CTNND2: variants seen among roughly 807,000 people sequenced by gnomAD.
CTNND2 encodes catenin delta 2, also known as catenin delta-2.
CTNND2 carries 22 observed loss-of-function variants against 144.4 expected under a neutral mutation model. The observed-to-expected ratio is 0.15, with a 90% CI of 0.11 to 0.22. The LOEUF (loss-of-function observed/expected upper bound fraction) is 0.22, where lower values mean the gene tolerates loss of function less well. Ranked by LOEUF, CTNND2 falls within the 10% of genes least tolerant of loss-of-function variation. The pLI is 1.00. For synonymous variants in CTNND2, 751 were observed against 695.6 expected, an observed-to-expected ratio of 1.08 and a Z score of -1.25; for missense variants, 1,353 against 1,618.8, an observed-to-expected ratio of 0.84 and a Z score of 2.82.
chr5:11,832,802 A>G (rs1478776513), intron 1 of CTNND2, among the ~76,000 whole-genome samples: 8 of 152,054 alleles, frequency 5.3e-5, no homozygotes, highest in Non-Finnish European at 1.0e-4. Context: ...TTAGTGGGTC[A>G]TGGTGGTGTA....
intron 16 of CTNND2, among the ~76,000 whole-genome samples, chr5:11,024,279 A>G (rs1413245528): frequency 6.6e-6 from 1 of 152,206 alleles, no homozygotes; most frequent in Non-Finnish European, 1.5e-5. Context: ...TGATACTTAA[A>G]TTACTGAAAT....
At chr5:11,233,176 G>A (rs1741233995) in intron 10 of CTNND2, among the ~76,000 whole-genome samples, 1 of 152,148 alleles carries the variant, frequency 6.6e-6, no homozygotes. Context: ...GGGAACTGAG[G>A]AGATGGTCTT....
intron 1 of CTNND2, among the ~76,000 whole-genome samples, chr5:11,848,814 T>C (rs575984670): frequency 6.6e-6 from 1 of 152,246 alleles, no homozygotes; most frequent in African/African-American, 2.4e-5. Flanking sequence ...TTCTTTCTCT[T>C]GTCCAGGATG....
intron 5 of CTNND2, among the ~76,000 whole-genome samples, chr5:11,401,821 C>T (rs1760675989): frequency 1.3e-5 from 2 of 152,156 alleles, no homozygotes; most frequent in South Asian, 4.1e-4. Flanking sequence ...AAGCACACTT[C>T]ATGATTCTGT....
chr5:11,488,053 T>C (rs1004239276), intron 3 of CTNND2, among the ~76,000 whole-genome samples: 8 of 152,172 alleles, frequency 5.3e-5, no homozygotes, highest in African/African-American at 1.9e-4. Context: ...CACTGTTTTG[T>C]TTGTGGTGGC....
intron 18 of CTNND2, among the ~76,000 whole-genome samples, chr5:11,001,657 T>C (rs907489473): frequency 2.0e-5 from 3 of 152,372 alleles, no homozygotes; most frequent in African/African-American, 7.2e-5. Flanking sequence ...CTTTTAATTG[T>C]AGCTCAGAGT....
At chr5:11,789,285 C>T (rs1431378003) in intron 1 of CTNND2, among the ~76,000 whole-genome samples, 3 of 152,156 alleles carry the variant, frequency 2.0e-5, no homozygotes, top group African/African-American at 7.2e-5. Flanking sequence ...TTTTTTGCCA[C>T]TCCTGAAAAA....
At chr5:11,644,632 C>A (rs1184096054) in intron 2 of CTNND2, among the ~76,000 whole-genome samples, 2 of 150,984 alleles carry the variant, frequency 1.3e-5, no homozygotes, top group Non-Finnish European at 2.9e-5. Context: ...CAAGATCACG[C>A]CACTGCACTC....
chr5:11,299,920 C>T (rs1385662710), intron 9 of CTNND2, among the ~76,000 whole-genome samples: 4 of 151,544 alleles, frequency 2.6e-5, no homozygotes, highest in Non-Finnish European at 5.9e-5. Context: ...TCTGATATGC[C>T]ATGTAGAAAC....
chr5:11,842,533 C>T (rs1794524560), intron 1 of CTNND2, among the ~76,000 whole-genome samples: 1 of 151,834 alleles, frequency 6.6e-6, no homozygotes, highest in Non-Finnish European at 1.5e-5. Flanking sequence ...TCCTGGCTAA[C>T]ATGATGAAAC....
chr5:11,188,246 T>C (rs190625447), intron 11 of CTNND2, among the ~76,000 whole-genome samples: 60 of 152,250 alleles, frequency 3.9e-4, no homozygotes, highest in African/African-American at 1.4e-3. Flanking sequence ...ATGTGGTATA[T>C]ATATATACCA....
intron 3 of CTNND2, among the ~76,000 whole-genome samples, chr5:11,454,483 A>G (rs1359944160): frequency 6.6e-6 from 1 of 152,210 alleles, no homozygotes; most frequent in Non-Finnish European, 1.5e-5. Context: ...TATATGTTCA[A>G]AAACAATTTT....
At chr5:11,433,183 T>G (rs1036569789) in intron 3 of CTNND2, among the ~76,000 whole-genome samples, 5 of 151,568 alleles carry the variant, frequency 3.3e-5, no homozygotes, top group Non-Finnish European at 7.3e-5. Flanking sequence ...GAGACAGAGC[T>G]TGCAGTGAGC....
intron 10 of CTNND2, among the ~76,000 whole-genome samples, chr5:11,227,463 A>G (rs1302821893): frequency 6.6e-6 from 1 of 152,246 alleles, no homozygotes; most frequent in Non-Finnish European, 1.5e-5. Flanking sequence ...AATCAAAGAA[A>G]TACAGGCTCT....
At chr5:11,194,697 TA>T (rs1449749034) in intron 11 of CTNND2, among the ~76,000 whole-genome samples, 3 of 151,424 alleles carry the variant, frequency 2.0e-5, no homozygotes, top group Non-Finnish European at 2.9e-5. Context: ...AAGCCCACCA[TA>T]AAAAAAGAAA....
intron 15 of CTNND2, among the ~76,000 whole-genome samples, chr5:11,083,118 C>T (rs1420000390): frequency 6.6e-6 from 1 of 152,134 alleles, no homozygotes; most frequent in Non-Finnish European, 1.5e-5. Context: ...AAGTTGAAAG[C>T]CATTTGCGTG....
At chr5:11,101,249 G>C in intron 14 of CTNND2, among the ~76,000 whole-genome samples, 1 of 152,092 alleles carries the variant, frequency 6.6e-6, no homozygotes, top group East Asian at 1.9e-4. Context: ...AGTTAATAGG[G>C]GGAAAAGCCC....
chr5:11,887,174 G>A (rs1210535675), intron 1 of CTNND2, among the ~76,000 whole-genome samples: 2 of 151,734 alleles, frequency 1.3e-5, no homozygotes, highest in African/African-American at 4.8e-5. Context: ...TAGAAGAGAT[G>A]GGGTTTAACC....
intron 2 of CTNND2, among the ~76,000 whole-genome samples, chr5:11,565,703 T>C (rs1481731476): frequency 1.3e-5 from 2 of 152,202 alleles, no homozygotes; most frequent in Non-Finnish European, 2.9e-5. Context: ...GAAAAATGCT[T>C]CTACAAAACT....
Sources: allele counts gnomAD v4.1 joint callset (sites outside exome capture counted in the v4.1 genomes callset), GRCh38; gene constraint gnomAD v4.1.1; transcripts MANE v1.5; gene names NCBI Gene and HGNC (gene_info 2026-07-23, HGNC 2026-07-21).